Variants in INSL6 observed in about 807,000 individuals in gnomAD.
INSL6 encodes the protein insulin like 6, also known as insulin-like peptide INSL6.
INSL6 carries 16 observed loss-of-function variants against 9.4 expected under a neutral mutation model. The observed-to-expected ratio is 1.70, with a 90% CI of 1.15 to 2.59. The LOEUF is 2.59. Among genes scored for constraint, INSL6 ranks in the 30% most tolerant of loss-of-function variants. INSL6 has a pLI of 0.00. For synonymous variants in INSL6, 154 were observed against 96.9 expected (o/e 1.59, Z -3.46); for missense variants, 391 against 257.3 (o/e 1.52, Z -3.56).
At chr9:5,032,760 A>G in the INSL6 span, among the ~76,000 whole-genome samples, 63 of 152,330 alleles carry the variant, frequency 4.1e-4, no homozygotes, top group African/African-American at 1.5e-3. Flanking sequence ...CACCATCATC[A>G]AAGACAAAAG....
chr9:5,045,129 C>G, the INSL6 span, among the ~76,000 whole-genome samples: 393 of 152,194 alleles, frequency 2.6e-3, 4 homozygotes, highest in African/African-American at 9.0e-3. Flanking sequence ...AATATTTTGT[C>G]ATTAAATAAC....
chr9:5,143,313 G>A (rs566024833), intron 2 of INSL6, among the ~76,000 whole-genome samples: 2 of 151,708 alleles, frequency 1.3e-5, no homozygotes, highest in Admixed American at 6.6e-5. Flanking sequence ...CTGTGAATCC[G>A]TCTGGTCCTG....
the INSL6 span, chr9:5,112,149 C>G: frequency 6.7e-6 from 2 of 298,928 alleles, no homozygotes; most frequent in Admixed American, 4.2e-5. Flanking sequence ...CGGCTAGCAA[C>G]GTGCACACGC....
At chr9:5,144,636 A>T (rs906438288) in intron 2 of INSL6, among the ~76,000 whole-genome samples, 20 of 152,202 alleles carry the variant, frequency 1.3e-4, no homozygotes, top group African/African-American at 4.6e-4. Flanking sequence ...GTCTCCAAGA[A>T]TTTGCTTTAT....
chr9:5,112,149 C>T, the INSL6 span: 3 of 298,810 alleles, frequency 1.0e-5, no homozygotes, highest in Non-Finnish European at 6.7e-6. Context: ...CGGCTAGCAA[C>T]GTGCACACGC....
chr9:4,998,083 A>AGAGG, the INSL6 span, among the ~76,000 whole-genome samples: 2 of 152,186 alleles, frequency 1.3e-5, no homozygotes, highest in Non-Finnish European at 2.9e-5. Flanking sequence ...TATCAATAGC[A>AGAGG]GAGGGTAGTT....
chr9:5,076,381 C>A, the INSL6 span, among the ~76,000 whole-genome samples: 1 of 152,092 alleles, frequency 6.6e-6, no homozygotes, highest in Non-Finnish European at 1.5e-5. Context: ...TAAGAAACTG[C>A]CACAGCTACC....
At chr9:5,081,021 G>A in the INSL6 span, among the ~76,000 whole-genome samples, 4 of 149,030 alleles carry the variant, frequency 2.7e-5, no homozygotes, top group African/African-American at 7.4e-5. Flanking sequence ...TCAGCCTCCT[G>A]AGTAGCTGGG....
At chr9:5,140,357 A>G (rs552830559) in intron 2 of INSL6, among the ~76,000 whole-genome samples, 1 of 152,254 alleles carries the variant, frequency 6.6e-6, no homozygotes, top group African/African-American at 2.4e-5. Context: ...CCACACTTAT[A>G]TTAGTCATCA....
the INSL6 span, chr9:5,114,115 G>C: frequency 5.6e-6 from 2 of 354,362 alleles, no homozygotes; most frequent in African/African-American, 4.2e-5. Context: ...ACCTACACCT[G>C]CCAGGTCACC....
chr9:5,011,300 C>G, the INSL6 span, among the ~76,000 whole-genome samples: 1 of 152,102 alleles, frequency 6.6e-6, no homozygotes, highest in African/African-American at 2.4e-5. Flanking sequence ...ATCCTCCTAC[C>G]TCAGCCTCCC....
At chr9:5,072,422 A>G in the INSL6 span, 2 of 1,157,264 alleles carry the variant, frequency 1.7e-6, no homozygotes, top group Non-Finnish European at 2.4e-6. Flanking sequence ...TCCTCATTGA[A>G]TGTATTTTCT....
the INSL6 span, chr9:5,098,091 C>A: frequency 1.3e-5 from 2 of 152,020 alleles, no homozygotes. Flanking sequence ...GCCTTTGTTT[C>A]GAAAAGAAAA....
At chr9:5,084,684 T>A in the INSL6 span, among the ~76,000 whole-genome samples, 2 of 152,218 alleles carry the variant, frequency 1.3e-5, no homozygotes, top group East Asian at 1.9e-4. Flanking sequence ...TATTCTTTTT[T>A]AAATTAATTT....
chr9:5,163,988 G>C lies in INSL6; in HGVS notation c.567C>G (p.Ser189Arg). The C allele has an allele frequency of 6.2e-7, 1 of 1,612,620 alleles. No individual in the cohort carries two copies. ...AATCAATATATGGAAGACATGCAAT[G>C]CTAAGTTCTTCTTTTGTACATCCTG... ...CLTGCTKEEL[S>R]IACLPYIDFK... Residue 189 changes from serine (S) to arginine (R), a missense_variant, in exon 2 of 2, where the codon AGC (serine) becomes AGG (arginine). Ser to Arg is a moderately radical substitution (Grantham distance 110). Transcript: ENST00000381641.
the INSL6 span, among the ~76,000 whole-genome samples, chr9:5,042,741 A>T: frequency 6.6e-6 from 1 of 152,180 alleles, no homozygotes; most frequent in Non-Finnish European, 1.5e-5. Flanking sequence ...GGAGGGACAC[A>T]GGCATTGCTG....
At chr9:5,130,073 G>C (rs1011714665) in intron 3 of INSL6, among the ~76,000 whole-genome samples, 8 of 151,994 alleles carry the variant, frequency 5.3e-5, no homozygotes, top group African/African-American at 1.7e-4. Flanking sequence ...TGAAACACCA[G>C]TCTTACTACT....
the INSL6 span, among the ~76,000 whole-genome samples, chr9:5,072,052 G>T: frequency 9.7e-4 from 147 of 152,090 alleles, no homozygotes; most frequent in Non-Finnish European, 1.0e-3. Flanking sequence ...AAGAAACCAC[G>T]ACAGCTGCAG....
chr9:5,093,061 A>G, the INSL6 span, among the ~76,000 whole-genome samples: 1 of 152,184 alleles, frequency 6.6e-6, no homozygotes, highest in African/African-American at 2.4e-5. Context: ...ACACTGGTCT[A>G]ATCTATTATT....
Sources: gnomAD v4.1 joint callset for allele counts (sites outside exome capture counted in the v4.1 genomes callset) on GRCh38, gnomAD v4.1.1 for gene constraint, MANE v1.5 for transcripts, NCBI Gene and HGNC (gene_info 2026-07-23, HGNC 2026-07-21) for gene names.